The following CEP72 variants were observed in gnomAD, a reference collection of about 807,000 sequenced individuals.
CEP72 encodes the protein centrosomal protein 72, also known as centrosomal protein of 72 kDa.
Under a neutral mutation model 65.7 loss-of-function variants are expected in CEP72, and 78 were observed. That is an observed-to-expected ratio of 1.19 (90% CI 0.99 to 1.43). The LOEUF is 1.43. Among genes scored for constraint, CEP72 ranks in the 40% most tolerant of loss-of-function variants. The pLI is 0.00. For missense variants in CEP72, 914 were observed against 832.9 expected, an observed-to-expected ratio of 1.10 and a Z score of -1.20; for synonymous variants, 358 against 351.7, an observed-to-expected ratio of 1.02 and a Z score of -0.20.
intron 4 of CEP72, among the ~76,000 whole-genome samples, chr5:628,800 T>G (rs1579956641): frequency 9.4e-6 from 1 of 106,766 alleles, no homozygotes; most frequent in African/African-American, 4.2e-5. Context: ...TTTGTGCAGC[T>G]TCTGGAGAAC....
intron 1 of CEP72, chr5:662,118 A>ACTT (rs1739647956): frequency 6.6e-6 from 1 of 152,420 alleles, no homozygotes; most frequent in African/African-American, 2.4e-5. Context: ...TGAAGGGACC[A>ACTT]CTTCTGTGAA....
chr5:671,956 C>T (rs1740238756), downstream of CEP72, among the ~76,000 whole-genome samples: 1 of 152,216 alleles, frequency 6.6e-6, no homozygotes, highest in South Asian at 2.1e-4. Flanking sequence ...TGGCCCCTTC[C>T]AGGGAAGCTG....
intron 11 of CEP72, among the ~76,000 whole-genome samples, chr5:648,736 A>C (rs56651561): frequency 3.5e-5 from 1 of 28,756 alleles, no homozygotes; most frequent in Non-Finnish European, 6.8e-5. Flanking sequence ...ACTGTGAGGC[A>C]TGACTGTGAG....
At chr5:674,228 C>G in the CEP72 span, among the ~76,000 whole-genome samples, 2 of 152,230 alleles carry the variant, frequency 1.3e-5, no homozygotes, top group Non-Finnish European at 2.9e-5. Flanking sequence ...CAGAGGGCAC[C>G]CAGGGACTCG....
downstream of CEP72, chr5:656,957 T>C (rs907158135): frequency 6.6e-6 from 1 of 152,240 alleles, no homozygotes; most frequent in African/African-American, 2.4e-5. Context: ...GCCTCAAGAA[T>C]GGATGACTTT....
downstream of CEP72, among the ~76,000 whole-genome samples, chr5:667,791 G>T (rs1457489899): frequency 6.6e-6 from 1 of 152,116 alleles, no homozygotes; most frequent in Non-Finnish European, 1.5e-5. Flanking sequence ...CACACGGAGA[G>T]GGGTCCGCGT....
the CEP72 span, among the ~76,000 whole-genome samples, chr5:674,022 C>T: frequency 7.2e-5 from 11 of 152,212 alleles, no homozygotes; most frequent in East Asian, 1.9e-3. Flanking sequence ...GAATCACAGC[C>T]GGCACTGCAC....
intron 2 of CEP72, chr5:664,927 G>C: frequency 1.5e-6 from 1 of 683,846 alleles, no homozygotes. Context: ...GGGAGTGCTG[G>C]GGGCATCCGG....
intron 1 of CEP72, among the ~76,000 whole-genome samples, chr5:617,821 C>T (rs1736092600): frequency 6.6e-6 from 1 of 152,192 alleles, no homozygotes; most frequent in Admixed American, 6.5e-5. Context: ...GCCGAGATCG[C>T]ACCACGGTAC....
Position 644,291 on chromosome 5 carries a change from G to A in CEP72, c.1540-8G>A, listed in dbSNP as rs1738268627. 2 of 1,612,116 alleles carry A rather than the reference G, an allele frequency of 1.2e-6. No homozygotes were observed. The highest frequency in any genetic ancestry group is 2.7e-5 in the African/African-American group (2 of 74,852). On this transcript the variant is annotated splice_polypyrimidine_tract_variant and splice_region_variant and intron_variant, in intron 9 of 11. Transcript: ENST00000264935. ...TTGTGCACTTAAGTGTATTTTCTGT[G>A]TCCGCAGGATGATTTGAGACAACAT...
chr5:673,912 C>T, the CEP72 span, among the ~76,000 whole-genome samples: 6 of 152,376 alleles, frequency 3.9e-5, no homozygotes, highest in South Asian at 4.1e-4. Flanking sequence ...CCCCACCCAC[C>T]GCAGGGAGAG....
chr5:661,312 T>TCTCCTGG (rs1561074365), downstream of CEP72: 37 of 55,200 alleles, frequency 6.7e-4, no homozygotes, highest in African/African-American at 2.0e-3. Context: ...CTGTCTCCTC[T>TCTCCTGG]TGTCACCCCC....
downstream of CEP72, among the ~76,000 whole-genome samples, chr5:671,011 G>T (rs1030350799): frequency 6.6e-6 from 1 of 151,912 alleles, no homozygotes; most frequent in Middle Eastern, 3.4e-3. Flanking sequence ...GCCCCAGGGC[G>T]GGCTGAGGGC....
chr5:652,851 G>A, intron 11 of CEP72, 137 bp from the exon 12 acceptor site: 1 of 946,886 alleles, frequency 1.1e-6, no homozygotes, highest in Non-Finnish European at 1.5e-6. Context: ...AAGGTGATGG[G>A]GCCACAGAGA....
At chr5:646,313 C>T (rs779432895) in intron 10 of CEP72, among the ~76,000 whole-genome samples, 8 of 152,072 alleles carry the variant, frequency 5.3e-5, no homozygotes, top group African/African-American at 1.2e-4. Flanking sequence ...GTTGTTTTTT[C>T]GTTTCTTCTG....
intron 2 of CEP72, chr5:665,098 G>C (rs1739838507): frequency 6.2e-7 from 1 of 1,608,378 alleles, no homozygotes; most frequent in Non-Finnish European, 8.5e-7. Context: ...GCATGGAGCG[G>C]GGGCTACTTG....
chr5:641,214 C>T, intron 9 of CEP72: 3 of 985,362 alleles, frequency 3.0e-6, no homozygotes, highest in Non-Finnish European at 3.6e-6. Flanking sequence ...CCTCACGGGA[C>T]AGGATCCTCC....
downstream of CEP72, among the ~76,000 whole-genome samples, chr5:659,575 A>G (rs1697962): frequency 0.35 from 53,882 of 152,150 alleles, 10,804 homozygotes; most frequent in African/African-American, 0.55. Context: ...TGGTGTTCAC[A>G]GTGTTCATGT....
chr5:644,378 A>C lies in CEP72; in HGVS notation c.1619A>C (p.Glu540Ala). 2 of 1,613,954 alleles carry C rather than the reference A, an allele frequency of 1.2e-6. No individual in the cohort carries two copies. The highest frequency in any genetic ancestry group is 2.7e-5 in the African/African-American group (2 of 75,074). ...TCGCTTTTGTTGAGTATGAAAAAGG[A>C]AGTGAAGAGTGCAGACACTGCAGCC... ...LKSLLLSMKK[E>A]VKSADTAATL... The change falls in exon 10 of 12, where the codon GAA becomes GCA. Residue 540 changes from glutamate to alanine, a missense_variant. Coordinates refer to ENST00000264935, the MANE Select transcript of CEP72 (RefSeq NM_018140.4).
Sources: gnomAD v4.1 joint callset for allele counts (sites outside exome capture counted in the v4.1 genomes callset) on GRCh38, gnomAD v4.1.1 for gene constraint, MANE v1.5 for transcripts, NCBI Gene and HGNC (gene_info 2026-07-23, HGNC 2026-07-21) for gene names.